The following LMX1A variants were observed in gnomAD, a reference collection of about 807,000 sequenced individuals.
LMX1A encodes the protein LIM homeobox transcription factor 1 alpha.
A neutral mutation model predicts 49.1 loss-of-function variants in LMX1A; 15 were observed. The ratio of observed to expected loss-of-function variants is 0.31; its 90% CI spans 0.20 to 0.47. The LOEUF (loss-of-function observed/expected upper bound fraction) is 0.47. Among genes scored for constraint, LMX1A ranks in the 20% least tolerant of loss-of-function variants. The pLI, the probability that LMX1A is intolerant of heterozygous loss-of-function variation, is 1.00. For missense variants in LMX1A, 372 were observed against 475.8 expected (o/e 0.78, Z 2.03); for synonymous variants, 167 against 185.7 (o/e 0.90, Z 0.82).
intron 3 of LMX1A, among the ~76,000 whole-genome samples, chr1:165,272,734 G>C (rs1653836445): frequency 6.6e-6 from 1 of 152,136 alleles, no homozygotes; most frequent in Non-Finnish European, 1.5e-5. Context: ...AGAGTACCCA[G>C]AGCAGTCAGG....
At chr1:165,310,828 A>G (rs1415954924) in intron 3 of LMX1A, among the ~76,000 whole-genome samples, 12 of 152,250 alleles carry the variant, frequency 7.9e-5, no homozygotes, top group Non-Finnish European at 1.8e-4. Context: ...TTTGCAATAC[A>G]GAGGGAATGC....
chr1:165,242,497 T>C lies in LMX1A; in HGVS notation c.496+6911A>G, dbSNP rs1257521725. On this transcript the variant is annotated intron_variant, in intron 4 of 8. Coordinates refer to ENST00000342310, the MANE Select transcript of LMX1A (RefSeq NM_177398.4). ...AAAAAAAAGCATTTGGATCCCATGA[T>C]AAAAGACACTAAAAGGAAATAAAGA... Among the ~76,000 whole-genome samples the C allele has an allele frequency of 2.0e-5, 3 of 148,680 alleles. No individual in the cohort carries two copies. The East Asian group carries it at 5.8e-4, about 29-fold the overall frequency.
At chr1:165,268,527 T>A (rs558779350) in intron 3 of LMX1A, among the ~76,000 whole-genome samples, 12 of 152,344 alleles carry the variant, frequency 7.9e-5, no homozygotes, top group African/African-American at 2.9e-4. Flanking sequence ...TATTCCCACA[T>A]CTAATGCCAA....
rs1651525878 is a variant in LMX1A at position 165,213,751 on chromosome 1, C to T, written c.559G>A (p.Glu187Lys). 6.2e-7 allele frequency: 1 copy of T among 1,614,014 alleles called. No homozygotes were observed. The highest frequency in any genetic ancestry group is 8.5e-7 in the Non-Finnish European group (1 of 1,180,030). Residue 187 changes from glutamate to lysine, a missense_variant, in exon 5 of 9, where the codon GAG (glutamate) becomes AAG (lysine). By Grantham distance (56) the Glu-to-Lys change is moderately conservative (BLOSUM62 1). Coordinates refer to ENST00000342310, the MANE Select transcript of LMX1A (RefSeq NM_177398.4). ...GGGCGCTTATGGTCCTTGCCTTCCT[C>T]AGCAGTTCCTTTCCCTGCCCCATGG... ...SAHGAGKGTAEEGKDHKRPKR... is the reference protein window; with the variant it reads ...SAHGAGKGTAKEGKDHKRPKR...
intron 3 of LMX1A, among the ~76,000 whole-genome samples, chr1:165,290,550 G>T (rs753125530): frequency 1.3e-5 from 2 of 152,012 alleles, no homozygotes; most frequent in Non-Finnish European, 2.9e-5. Context: ...CTCATCTCAA[G>T]ATCCTTAATT....
intron 4 of LMX1A, among the ~76,000 whole-genome samples, chr1:165,221,983 A>T (rs1269242739): frequency 6.6e-6 from 1 of 151,108 alleles, no homozygotes; most frequent in Non-Finnish European, 1.5e-5. Context: ...TCTCTCCATC[A>T]TTCCCTCTCT....
At chr1:165,231,839 A>G (rs760017334) in intron 4 of LMX1A, among the ~76,000 whole-genome samples, 37 of 152,172 alleles carry the variant, frequency 2.4e-4, no homozygotes, top group Non-Finnish European at 1.6e-4. Context: ...CACTTAAAAC[A>G]CTCACAGGCA....
At chr1:165,294,706 G>C (rs1429072879) in intron 3 of LMX1A, among the ~76,000 whole-genome samples, 1 of 152,238 alleles carries the variant, frequency 6.6e-6, no homozygotes. Context: ...GCTCATGCCT[G>C]TAATCCCAGC....
intron 4 of LMX1A, among the ~76,000 whole-genome samples, chr1:165,231,672 T>TAACA (rs1652245895): frequency 6.6e-6 from 1 of 152,242 alleles, no homozygotes; most frequent in Admixed American, 6.5e-5. Flanking sequence ...CTAGTTAACT[T>TAACA]GGTTCCCATG....
chr1:165,207,919 C>T, intron 7 of LMX1A, 144 bp downstream of exon 7: 1 of 655,478 alleles, frequency 1.5e-6, no homozygotes, highest in Non-Finnish European at 2.6e-6. Flanking sequence ...TCAGTCTTCC[C>T]TTGAAGGCCT....
chr1:165,284,007 A>G (rs2101708561), intron 3 of LMX1A, among the ~76,000 whole-genome samples: 1 of 152,216 alleles, frequency 6.6e-6, no homozygotes, highest in Admixed American at 6.5e-5. Context: ...CCTCACCCCA[A>G]CCTTCATCAT....
At chr1:165,265,551 G>A (rs1360222546) in intron 3 of LMX1A, among the ~76,000 whole-genome samples, 3 of 152,176 alleles carry the variant, frequency 2.0e-5, no homozygotes, top group Non-Finnish European at 4.4e-5. Context: ...TCAAAAGCGA[G>A]TGCCTCCCTG....
chr1:165,300,401 T>TGCCTAACCCATCCTTCTTCCCATTAAAAC (rs1654745825), intron 3 of LMX1A, among the ~76,000 whole-genome samples: 1 of 152,266 alleles, frequency 6.6e-6, no homozygotes, highest in South Asian at 2.1e-4. Flanking sequence ...CACAAGAAAA[T>TGCCTAACCCATCCTTCTTCCCATTAAAAC]GCCTAACCCA....
chr1:165,285,727 A>G (rs2101710161), intron 3 of LMX1A, among the ~76,000 whole-genome samples: 1 of 152,312 alleles, frequency 6.6e-6, no homozygotes, highest in Admixed American at 6.5e-5. Flanking sequence ...TGGGTTATTA[A>G]ACACAGCAAC....
chr1:165,214,156 G>A (rs1651548666), intron 4 of LMX1A, among the ~76,000 whole-genome samples: 1 of 152,092 alleles, frequency 6.6e-6, no homozygotes, highest in African/African-American at 2.4e-5. Flanking sequence ...GGACATGGTG[G>A]GAGGTGACTG....
chr1:165,318,999 TCACACA>T lies in LMX1A; in HGVS notation c.263+34071_263+34076del, dbSNP rs35582531. Reference sequence around the variant, plus strand: ...CTGAGATCTCCTCTCTCTCTCTCTCTCACACACACACACACACACACACACACACAC... The same window carrying T: ...CTGAGATCTCCTCTCTCTCTCTCTCTCACACACACACACACACACACACAC... On this transcript the variant is annotated intron_variant, in intron 3 of 8. Coordinates refer to ENST00000342310, the MANE Select transcript of LMX1A (RefSeq NM_177398.4). Among the ~76,000 whole-genome samples, 1,332 of 117,556 alleles carry T rather than the reference TCACACA, an allele frequency of 0.011. 65 individuals are homozygous for T. In the East Asian group the frequency reaches 0.17, roughly 15 times the overall value. The allele number at this position is 117,556 out of a possible 152,430, so 77.1% of individuals were successfully genotyped here.
At chr1:165,299,373 G>A (rs1654709690) in intron 3 of LMX1A, among the ~76,000 whole-genome samples, 2 of 152,240 alleles carry the variant, frequency 1.3e-5, no homozygotes, top group South Asian at 4.1e-4. Flanking sequence ...CAGGAAGGCA[G>A]GGAACCTAAG....
At chr1:165,294,392 A>G (rs1654558373) in intron 3 of LMX1A, among the ~76,000 whole-genome samples, 1 of 152,248 alleles carries the variant, frequency 6.6e-6, no homozygotes, top group South Asian at 2.1e-4. Context: ...AAAAGAGGTC[A>G]TGCCCAGTGT....
chr1:165,204,433 A>G (rs1252873812), intron 8 of LMX1A, among the ~76,000 whole-genome samples: 1 of 152,234 alleles, frequency 6.6e-6, no homozygotes, highest in Non-Finnish European at 1.5e-5. Flanking sequence ...AAGCTCTTTG[A>G]GTGAAGCTAA....
Sources: gnomAD v4.1 joint callset for allele counts (sites outside exome capture counted in the v4.1 genomes callset) on GRCh38, gnomAD v4.1.1 for gene constraint, MANE v1.5 for transcripts, NCBI Gene and HGNC (gene_info 2026-07-23, HGNC 2026-07-21) for gene names.